Variants in ZNF521 observed in about 807,000 individuals in gnomAD.
The protein encoded by ZNF521 is LYST-interacting protein 3.
A neutral mutation model predicts 105.5 loss-of-function variants in ZNF521; 14 were observed. The ratio of observed to expected loss-of-function variants is 0.13; its 90% CI spans 0.09 to 0.21. The LOEUF is 0.21. Ranked by LOEUF, ZNF521 falls within the 10% of genes least tolerant of loss-of-function variation. The pLI is 1.00. For missense variants in ZNF521, 1,233 were observed against 1,629.7 expected (o/e 0.76, Z 4.19); for synonymous variants, 635 against 606.0 (o/e 1.05, Z -0.70).
chr18:25,096,817 C>G (rs921626236), intron 5 of ZNF521, among the ~76,000 whole-genome samples: 2 of 152,160 alleles, frequency 1.3e-5, no homozygotes, highest in Non-Finnish European at 1.5e-5. Context: ...CTAAAGTCCA[C>G]AGATAGAAAC....
Position 25,062,752 on chromosome 18 carries a change from C to G in ZNF521, c.3907-11G>C. 1 of 359,496 alleles carries G rather than the reference C, an allele frequency of 2.8e-6. No individual in the cohort carries two copies. Among genetic ancestry groups the G allele is most frequent in the Non-Finnish European group, 4.3e-6 (1 of 234,470 alleles). The allele number at this position is 359,496 out of a possible 1,614,324, so 22.3% of individuals were successfully genotyped here. A position where few individuals can be genotyped will look rare whatever the true frequency, so the allele number is the denominator to read the frequency against. On this transcript the variant is annotated splice_polypyrimidine_tract_variant and intron_variant, in intron 7 of 7. Transcript: ENST00000361524. ...GGTCATTGTATGATTCTGTAAATAA[C>G]AAAAAAAAAAAAAAAAAAAAAAAAA...
chr18:25,154,091 C>T (rs1381590693), intron 5 of ZNF521, among the ~76,000 whole-genome samples: 2 of 152,158 alleles, frequency 1.3e-5, no homozygotes, highest in African/African-American at 4.8e-5. Context: ...CTACTCTTCC[C>T]TAATAGTCAA....
chr18:25,242,497 T>TA lies in ZNF521; in HGVS notation c.221-14801_221-14800insT, dbSNP rs1907405132. ...ATATATATTTGCTACATCCTATATA[T>TA]TTTTTTTGCTTGTTTTGCTTGATCT... On this transcript the variant is annotated intron_variant, in intron 3 of 7. Transcript: ENST00000361524. Among the ~76,000 whole-genome samples the TA allele has an allele frequency of 1.3e-5, 2 of 151,426 alleles. 1 individual carries two copies. The highest frequency in any genetic ancestry group is 4.1e-4 in the South Asian group (2 of 4,828).
intron 3 of ZNF521, among the ~76,000 whole-genome samples, chr18:25,242,073 T>C (rs542401735): frequency 6.6e-6 from 1 of 152,346 alleles, no homozygotes; most frequent in Admixed American, 6.5e-5. Flanking sequence ...ATTTTATTTC[T>C]CAGTATGGTA....
chr18:25,285,646 A>G (rs1235526360), intron 3 of ZNF521, among the ~76,000 whole-genome samples: 1 of 150,858 alleles, frequency 6.6e-6, no homozygotes, highest in African/African-American at 2.4e-5. Flanking sequence ...TCTATCCACC[A>G]CCTACAGAAC....
chr18:25,127,132 A>G (rs895692912), intron 5 of ZNF521, among the ~76,000 whole-genome samples: 3 of 152,038 alleles, frequency 2.0e-5, no homozygotes, highest in Non-Finnish European at 2.9e-5. Context: ...TATGATGTGG[A>G]AGCTGTTTGG....
chr18:25,272,624 A>C (rs1236040994), intron 3 of ZNF521, among the ~76,000 whole-genome samples: 1 of 152,158 alleles, frequency 6.6e-6, no homozygotes, highest in Non-Finnish European at 1.5e-5. Flanking sequence ...GACATGGATG[A>C]AGCTGGAAAC....
At chr18:25,128,682 A>G (rs1011377853) in intron 5 of ZNF521, among the ~76,000 whole-genome samples, 2 of 152,042 alleles carry the variant, frequency 1.3e-5, no homozygotes, top group South Asian at 2.1e-4. Context: ...AGAATTTGAA[A>G]TTGAGAACAC....
intron 7 of ZNF521, among the ~76,000 whole-genome samples, chr18:25,086,126 AT>A (rs2033618108): frequency 2.0e-5 from 3 of 152,116 alleles, no homozygotes; most frequent in African/African-American, 7.2e-5. Flanking sequence ...ACACCAAGGC[AT>A]GAACTACAGT....
intron 3 of ZNF521, among the ~76,000 whole-genome samples, chr18:25,299,427 A>G (rs1014068744): frequency 2.6e-5 from 4 of 152,238 alleles, no homozygotes; most frequent in African/African-American, 9.6e-5. Context: ...AATTCTGAAT[A>G]CAAACAGAAT....
chr18:25,350,152 A>C (rs1470443965), intron 2 of ZNF521, among the ~76,000 whole-genome samples: 2 of 151,834 alleles, frequency 1.3e-5, no homozygotes, highest in African/African-American at 4.8e-5. Flanking sequence ...CGCCCCCAAA[A>C]TCCCGCACGC....
intron 3 of ZNF521, among the ~76,000 whole-genome samples, chr18:25,285,751 C>T (rs1266050256): frequency 6.6e-6 from 1 of 152,136 alleles, no homozygotes; most frequent in East Asian, 1.9e-4. Flanking sequence ...TGCGCGCGCA[C>T]ATGCACGCAT....
chr18:25,280,639 G>A (rs868586320), intron 3 of ZNF521, among the ~76,000 whole-genome samples: 1 of 152,128 alleles, frequency 6.6e-6, no homozygotes, highest in Admixed American at 6.5e-5. Flanking sequence ...AGGGACAGTA[G>A]AGCCCACATC....
rs1351933529 is a variant in ZNF521 at position 25,186,493 on chromosome 18, G to A, written c.3658+8667C>T. ...GAAATAAGAAATACAGCCATCTGAT[G>A]ACGGCTTGAATTAATTCTTTACAGC... On this transcript the variant is annotated intron_variant, in intron 5 of 7. Transcript: ENST00000361524. 3.9e-5 allele frequency among the ~76,000 whole-genome samples: 6 copies of A among 152,296 alleles called. No individual in the cohort carries two copies. In the South Asian group the frequency reaches 8.3e-4, roughly 21 times the overall value.
chr18:25,229,510 G>C (rs1906394561), intron 3 of ZNF521, among the ~76,000 whole-genome samples: 1 of 151,340 alleles, frequency 6.6e-6, no homozygotes. Context: ...AACATATGCA[G>C]ATAAACTCAA....
At chr18:25,253,693 T>A (rs753884189) in intron 3 of ZNF521, among the ~76,000 whole-genome samples, 1 of 152,128 alleles carries the variant, frequency 6.6e-6, no homozygotes, top group Non-Finnish European at 1.5e-5. Context: ...CAAAGTTAAA[T>A]GAGAGGCAGC....
At chr18:25,350,771 AG>A (rs1914711328) in intron 2 of ZNF521, 135 bp downstream of exon 2, 2 of 805,426 alleles carry the variant, frequency 2.5e-6, no homozygotes, top group Middle Eastern at 3.4e-4. Flanking sequence ...CTCAGCGGGG[AG>A]GGGAGCGCGC....
intron 7 of ZNF521, among the ~76,000 whole-genome samples, chr18:25,076,229 T>A (rs2033358044): frequency 6.6e-6 from 1 of 152,132 alleles, no homozygotes; most frequent in Admixed American, 6.5e-5. Context: ...GAAATGGCCT[T>A]AGGGTAAGTA....
chr18:25,133,158 T>A (rs1457929473), intron 5 of ZNF521, among the ~76,000 whole-genome samples: 2 of 152,128 alleles, frequency 1.3e-5, no homozygotes, highest in African/African-American at 2.4e-5. Flanking sequence ...CTTGGTAGAG[T>A]TCAATAAATA....
Sources: allele counts gnomAD v4.1 joint callset (sites outside exome capture counted in the v4.1 genomes callset), GRCh38; gene constraint gnomAD v4.1.1; transcripts MANE v1.5; gene names NCBI Gene and HGNC (gene_info 2026-07-23, HGNC 2026-07-21).